ARFGEF1: variants seen among roughly 807,000 people sequenced by gnomAD.
ARFGEF1 encodes the protein brefeldin A-inhibited guanine nucleotide-exchange protein 1.
Under a neutral mutation model 231.0 loss-of-function variants are expected in ARFGEF1, and 42 were observed. That is an observed-to-expected ratio of 0.18 (90% CI 0.14 to 0.24). The LOEUF (loss-of-function observed/expected upper bound fraction) is 0.24, where lower values mean the gene tolerates loss of function less well. ARFGEF1 is among the 10% of genes least tolerant of loss of function. ARFGEF1 has a pLI of 1.00. For missense variants in ARFGEF1, 1,345 were observed against 2,192.0 expected (o/e 0.61, Z 7.72); for synonymous variants, 710 against 732.3 (o/e 0.97, Z 0.49).
At chr8:67,286,587 G>A (rs1050943014) in intron 7 of ARFGEF1, among the ~76,000 whole-genome samples, 1 of 152,142 alleles carries the variant, frequency 6.6e-6, no homozygotes, top group East Asian at 1.9e-4. Context: ...AATAGGTAGC[G>A]GGTTGAATCT....
chr8:67,236,454 C>T (rs1839773129), intron 22 of ARFGEF1, among the ~76,000 whole-genome samples: 1 of 126,692 alleles, frequency 7.9e-6, no homozygotes, highest in Admixed American at 9.2e-5. Flanking sequence ...GACTGTACCA[C>T]ATCTTCTTCT....
intron 34 of ARFGEF1, among the ~76,000 whole-genome samples, chr8:67,206,236 C>G (rs904290019): frequency 2.0e-5 from 3 of 151,828 alleles, no homozygotes; most frequent in African/African-American, 7.3e-5. Flanking sequence ...ATGGTGAAAC[C>G]CCATCTCTAC....
intron 35 of ARFGEF1, among the ~76,000 whole-genome samples, chr8:67,203,872 CCCCCAG>C (rs746360370): frequency 1.1e-4 from 17 of 152,168 alleles, no homozygotes; most frequent in African/African-American, 2.2e-4. Context: ...CACAACCCAT[CCCCCAG>C]CCCTCCCCCT....
At chr8:67,178,787 A>T (rs1046071089) in intron 5 of ARFGEF1, among the ~76,000 whole-genome samples, 1 of 152,158 alleles carries the variant, frequency 6.6e-6, no homozygotes, top group African/African-American at 2.4e-5. Context: ...AGTTGGGCAC[A>T]TGGGGCAGGG....
intron 5 of ARFGEF1, chr8:67,177,749 T>A: frequency 6.3e-7 from 1 of 1,585,022 alleles, no homozygotes; most frequent in Non-Finnish European, 8.7e-7. Flanking sequence ...TTACAATTTT[T>A]CAAGTTAGTT....
intron 23 of ARFGEF1, 95 bp from the exon 24 acceptor site, chr8:67,228,359 T>C (rs748315580): frequency 9.0e-6 from 11 of 1,215,794 alleles, no homozygotes; most frequent in Non-Finnish European, 1.2e-5. Flanking sequence ...TATTTTTATG[T>C]TTTAAGGGAA....
intron 25 of ARFGEF1, 96 bp downstream of exon 25, chr8:67,227,867 T>C: frequency 9.4e-7 from 1 of 1,066,332 alleles, no homozygotes; most frequent in African/African-American, 1.6e-5. Flanking sequence ...TAATAAATAA[T>C]TGCTTGGAAG....
chr8:67,227,185 C>T lies in ARFGEF1; in HGVS notation c.3868G>A (p.Asp1290Asn), dbSNP rs775750702. 6.2e-7 allele frequency: 1 copy of T among 1,612,764 alleles called. No individual in the cohort carries two copies. Among genetic ancestry groups the T allele is most frequent in the Non-Finnish European group, 8.5e-7 (1 of 1,179,222 alleles). Residue 1290 changes from aspartate to asparagine, a missense_variant, in exon 27 of 39, where the codon GAT (aspartate) becomes AAT (asparagine). By Grantham distance (23) the Asp-to-Asn change is conservative (BLOSUM62 1). Coordinates refer to ENST00000262215, the MANE Select transcript of ARFGEF1 (RefSeq NM_006421.5). ...AATGCAAGTTCCACTATGCTTTCAT[C>T]TTGATCAGATGCAGCTAGATGAAAT... ...SVFHLAASDQ[D>N]ESIVELAFQT...
chr8:67,230,817 T>C (rs977914583), intron 23 of ARFGEF1, among the ~76,000 whole-genome samples: 1 of 152,078 alleles, frequency 6.6e-6, no homozygotes, highest in African/African-American at 2.4e-5. Flanking sequence ...TAGCAAATGC[T>C]AGAGGATCAG....
intron 19 of ARFGEF1, among the ~76,000 whole-genome samples, chr8:67,250,874 C>T (rs754782350): frequency 6.6e-5 from 10 of 152,166 alleles, no homozygotes; most frequent in African/African-American, 1.7e-4. Context: ...TCTTCTGTTC[C>T]TTACCCTACT....
chr8:67,303,794 A>C (rs1197130681), intron 1 of ARFGEF1, among the ~76,000 whole-genome samples: 1 of 152,132 alleles, frequency 6.6e-6, no homozygotes, highest in African/African-American at 2.4e-5. Flanking sequence ...AATTTGGAAA[A>C]AAGGTATTCA....
chr8:67,178,691 T>G lies in ARFGEF1; in HGVS notation c.561-3119A>C, dbSNP rs1329923316. Among the ~76,000 whole-genome samples, 5 of 152,222 alleles carry G rather than the reference T, an allele frequency of 3.3e-5. No homozygotes were observed. In the East Asian group the frequency reaches 9.7e-4, roughly 29 times the overall value. On this transcript the variant is annotated intron_variant, in intron 5 of 5. Transcript: ENST00000518789. ...TCTATGGGAAATGTGGGGGAACTTC[T>G]GGAGGAAGAACATTCCAGGAAGAGG...
At chr8:67,239,861 TTAAA>T (rs1160611362) in intron 20 of ARFGEF1, among the ~76,000 whole-genome samples, 1 of 152,168 alleles carries the variant, frequency 6.6e-6, no homozygotes, top group Non-Finnish European at 1.5e-5. Flanking sequence ...TTTTATTCGT[TTAAA>T]CAAGATGTTC....
intron 1 of ARFGEF1, 41 bp downstream of exon 1, chr8:67,343,123 C>G (rs1218626696): frequency 6.8e-7 from 1 of 1,462,902 alleles, no homozygotes; most frequent in East Asian, 2.5e-5. Flanking sequence ...CTCCCCGCCC[C>G]ACAACAAGCA....
At chr8:67,323,060 T>C (rs1203799642) in intron 1 of ARFGEF1, among the ~76,000 whole-genome samples, 3 of 152,156 alleles carry the variant, frequency 2.0e-5, no homozygotes, top group Non-Finnish European at 4.4e-5. Context: ...GAGACCAGCC[T>C]GGCCAACATG....
intron 1 of ARFGEF1, among the ~76,000 whole-genome samples, chr8:67,339,598 T>A (rs933799527): frequency 6.6e-6 from 1 of 151,874 alleles, no homozygotes; most frequent in Non-Finnish European, 1.5e-5. Context: ...AGCTGTTGTC[T>A]CATCTGCCAG....
chr8:67,293,799 G>A (rs899687190), intron 5 of ARFGEF1, among the ~76,000 whole-genome samples: 5 of 152,100 alleles, frequency 3.3e-5, no homozygotes, highest in East Asian at 1.9e-4. Flanking sequence ...TGTGGCTTCC[G>A]TCTTACATTC....
intron 6 of ARFGEF1, among the ~76,000 whole-genome samples, chr8:67,288,392 T>G (rs1805850248): frequency 6.7e-6 from 1 of 149,880 alleles, no homozygotes; most frequent in Non-Finnish European, 1.5e-5. Flanking sequence ...CTACAGATGC[T>G]TACTTATACT....
At chr8:67,295,859 T>G (rs1806209906) in intron 5 of ARFGEF1, among the ~76,000 whole-genome samples, 1 of 152,098 alleles carries the variant, frequency 6.6e-6, no homozygotes, top group Non-Finnish European at 1.5e-5. Context: ...TCTGAAAAAT[T>G]TTTGCAACTT....
Sources: gnomAD v4.1 joint callset for allele counts (sites outside exome capture counted in the v4.1 genomes callset) on GRCh38, gnomAD v4.1.1 for gene constraint, MANE v1.5 for transcripts, NCBI Gene and HGNC (gene_info 2026-07-23, HGNC 2026-07-21) for gene names.